BABAM2: variants seen among roughly 807,000 people sequenced by gnomAD.
BABAM2 encodes BRISC and BRCA1 A complex member 2, also known as BRISC and BRCA1-A complex member 2.
A neutral mutation model predicts 54.7 loss-of-function variants in BABAM2; 31 were observed. The ratio of observed to expected loss-of-function variants is 0.57; its 90% CI spans 0.43 to 0.77. BABAM2 has a LOEUF of 0.77. BABAM2 is among the 30% of genes least tolerant of loss of function. The probability of loss-of-function intolerance (pLI) is 0.00; values close to 1 mark genes in which losing one functional copy is unlikely to be tolerated. For synonymous variants in BABAM2, 167 were observed against 162.9 expected (o/e 1.03, Z -0.19); for missense variants, 364 against 455.8 (o/e 0.80, Z 1.83).
chr2:28,328,727 G>C (rs1420003300), intron 11 of BABAM2, among the ~76,000 whole-genome samples: 1 of 152,152 alleles, frequency 6.6e-6, no homozygotes, highest in African/African-American at 2.4e-5. Context: ...GACATTGGCA[G>C]GTATCTTAAC....
At chr2:28,258,759 T>C (rs1481562703) in intron 10 of BABAM2, among the ~76,000 whole-genome samples, 1 of 151,702 alleles carries the variant, frequency 6.6e-6, no homozygotes, top group Non-Finnish European at 1.5e-5. Flanking sequence ...ACTGCAAGCA[T>C]GCACCGCCAT....
At chr2:28,076,477 TTTATTTAGTTAGTTAG>T (rs1266292742) in intron 6 of BABAM2, among the ~76,000 whole-genome samples, 1 of 148,190 alleles carries the variant, frequency 6.7e-6, no homozygotes, top group Non-Finnish European at 1.5e-5. Context: ...TATTTATTTA[TTTATTTAGTTAGTTAG>T]TTAGTTAGTT....
At chr2:28,203,606 GC>G (rs1249654545) in intron 7 of BABAM2, among the ~76,000 whole-genome samples, 5 of 151,980 alleles carry the variant, frequency 3.3e-5, no homozygotes, top group Non-Finnish European at 7.4e-5. Flanking sequence ...TTATTTATAT[GC>G]CCTTAAAAAT....
intron 6 of BABAM2, among the ~76,000 whole-genome samples, chr2:28,097,769 T>C (rs919027296): frequency 2.0e-5 from 3 of 152,216 alleles, no homozygotes; most frequent in African/African-American, 7.2e-5. Context: ...CTTCTACATA[T>C]ATTTTCACTC....
chr2:27,968,140 C>A (rs1273878083), intron 3 of BABAM2, among the ~76,000 whole-genome samples: 1 of 152,230 alleles, frequency 6.6e-6, no homozygotes, highest in Non-Finnish European at 1.5e-5. Context: ...GTCTTTACAG[C>A]AGCCCCTCCC....
At chr2:28,026,877 TATATATATAG>T (rs1675802976) in intron 5 of BABAM2, among the ~76,000 whole-genome samples, 2 of 50,812 alleles carry the variant, frequency 3.9e-5, no homozygotes, top group South Asian at 3.9e-4. Flanking sequence ...TATATATTTA[TATATATATAG>T]ATATATATAA....
intron 10 of BABAM2, among the ~76,000 whole-genome samples, chr2:28,290,759 G>A (rs938873694): frequency 8.5e-5 from 13 of 152,178 alleles, no homozygotes; most frequent in Non-Finnish European, 1.9e-4. Flanking sequence ...TTGTGAAATA[G>A]TAAAAGCTAA....
chr2:28,122,634 G>GTAGT (rs1669177373), intron 6 of BABAM2, among the ~76,000 whole-genome samples: 1 of 152,246 alleles, frequency 6.6e-6, no homozygotes, highest in African/African-American at 2.4e-5. Context: ...TAGTTAATTG[G>GTAGT]TAGTTTGTAC....
At chr2:28,298,661 T>G (rs1048659627) in intron 11 of BABAM2, among the ~76,000 whole-genome samples, 170 bp downstream of exon 11, 1 of 152,248 alleles carries the variant, frequency 6.6e-6, no homozygotes, top group Non-Finnish European at 1.5e-5. Context: ...CTGTGGCCGC[T>G]TTAATGCTAC....
At chr2:28,196,082 C>T (rs1677503915) in intron 7 of BABAM2, among the ~76,000 whole-genome samples, 1 of 152,136 alleles carries the variant, frequency 6.6e-6, no homozygotes, top group African/African-American at 2.4e-5. Context: ...AATCCCAGCA[C>T]TTTGGGAGGC....
At chr2:28,091,078 A>G (rs1190987454) in intron 6 of BABAM2, among the ~76,000 whole-genome samples, 1 of 152,092 alleles carries the variant, frequency 6.6e-6, no homozygotes, top group East Asian at 1.9e-4. Flanking sequence ...CATTTATACT[A>G]CCCTTATAAA....
intron 7 of BABAM2, among the ~76,000 whole-genome samples, chr2:28,236,646 G>A (rs187999826): frequency 1.3e-5 from 2 of 152,248 alleles, no homozygotes; most frequent in African/African-American, 4.8e-5. Context: ...GATTACAGGC[G>A]TGAGCCACCA....
At chr2:28,328,238 G>A (rs1038632142) in intron 11 of BABAM2, among the ~76,000 whole-genome samples, 3 of 152,150 alleles carry the variant, frequency 2.0e-5, no homozygotes, top group African/African-American at 7.2e-5. Context: ...GCAAGACCAC[G>A]AGGCATGATT....
intron 2 of BABAM2, among the ~76,000 whole-genome samples, chr2:27,905,760 A>T (rs1355705563): frequency 6.6e-6 from 1 of 152,200 alleles, no homozygotes; most frequent in Non-Finnish European, 1.5e-5. Context: ...CAGAGAAATC[A>T]TGTAGCAGAA....
intron 10 of BABAM2, among the ~76,000 whole-genome samples, chr2:28,279,044 A>G (rs780299400): frequency 1.3e-4 from 20 of 152,208 alleles, no homozygotes; most frequent in Admixed American, 1.2e-3. Flanking sequence ...GGCAATAGCT[A>G]GTAGGGATGA....
At chr2:28,251,943 C>T (rs1338591492) in intron 10 of BABAM2, among the ~76,000 whole-genome samples, 1 of 152,136 alleles carries the variant, frequency 6.6e-6, no homozygotes, top group Non-Finnish European at 1.5e-5. Context: ...GTAATCCCAG[C>T]ACTTGGGGAG....
At chr2:28,105,672 C>T (rs1216857972) in intron 6 of BABAM2, among the ~76,000 whole-genome samples, 8 of 152,208 alleles carry the variant, frequency 5.3e-5, no homozygotes, top group Admixed American at 2.6e-4. Flanking sequence ...AGCACCCAGA[C>T]AGAAATAAGC....
intron 6 of BABAM2, among the ~76,000 whole-genome samples, chr2:28,092,687 T>C (rs557233608): frequency 2.0e-5 from 3 of 152,138 alleles, no homozygotes; most frequent in South Asian, 4.2e-4. Context: ...AATTCTTCGA[T>C]AGTATTTTGT....
chr2:28,044,767 C>T (rs561671663), intron 5 of BABAM2, among the ~76,000 whole-genome samples: 2 of 152,280 alleles, frequency 1.3e-5, no homozygotes, highest in African/African-American at 4.8e-5. Context: ...GACATCCACT[C>T]TGAGTAGTTC....
Sources: gnomAD v4.1 joint callset for allele counts (sites outside exome capture counted in the v4.1 genomes callset) on GRCh38, gnomAD v4.1.1 for gene constraint, MANE v1.5 for transcripts, NCBI Gene and HGNC (gene_info 2026-07-23, HGNC 2026-07-21) for gene names.